PIK3C2G: variants seen among roughly 807,000 people sequenced by gnomAD.
PIK3C2G encodes phosphatidylinositol 3-kinase C2 domain-containing subunit gamma.
Under a neutral mutation model 181.1 loss-of-function variants are expected in PIK3C2G, and 168 were observed. That is an observed-to-expected ratio of 0.93 (90% CI 0.82 to 1.05). The LOEUF (loss-of-function observed/expected upper bound fraction) is 1.05. Ranked by LOEUF, PIK3C2G falls within the 50% of genes least tolerant of loss-of-function variation. The probability of loss-of-function intolerance (pLI) is 0.00; values close to 1 mark genes in which losing one functional copy is unlikely to be tolerated. For synonymous variants in PIK3C2G, 573 were observed against 592.2 expected, an observed-to-expected ratio of 0.97 and a Z score of 0.47; for missense variants, 1,869 against 1,732.8, an observed-to-expected ratio of 1.08 and a Z score of -1.40.
intron 1 of PIK3C2G, among the ~76,000 whole-genome samples, chr12:18,273,444 T>G (rs1423531872): frequency 6.6e-6 from 1 of 152,156 alleles, no homozygotes; most frequent in African/African-American, 2.4e-5. Context: ...TAGGATTGAC[T>G]TGGCAATGCG....
At chr12:18,520,648 T>C (rs568361072) in intron 24 of PIK3C2G, among the ~76,000 whole-genome samples, 3 of 152,284 alleles carry the variant, frequency 2.0e-5, no homozygotes, top group South Asian at 2.1e-4. Flanking sequence ...CTTCTTTGCA[T>C]TGGGTTAGAA....
chr12:18,593,756 T>A (rs1355489196), intron 29 of PIK3C2G, among the ~76,000 whole-genome samples: 5 of 151,900 alleles, frequency 3.3e-5, no homozygotes, highest in African/African-American at 1.2e-4. Flanking sequence ...TTTGTGATTA[T>A]CACTATTTAA....
Position 18,648,232 on chromosome 12 carries a change from G to C in PIK3C2G, c.*204G>C. The C allele has an allele frequency of 6.3e-6, 2 of 317,948 alleles. No individual in the cohort carries two copies. Among genetic ancestry groups the C allele is most frequent in the Non-Finnish European group, 1.1e-5 (2 of 174,696 alleles). 19.7% of individuals were successfully genotyped at this position (317,948 alleles called of 1,614,324 possible). A position where few individuals can be genotyped will look rare whatever the true frequency, so the allele number is the denominator to read the frequency against. On this transcript the variant is annotated 3_prime_UTR_variant, in exon 33 of 33. Transcript: ENST00000538779. ...TTTTTTCATAATCTTTTCTCCTTCA[G>C]TGGAGTACTGATTGCATGAAATTTG...
the PIK3C2G span, among the ~76,000 whole-genome samples, chr12:18,710,309 C>T: frequency 2.7e-5 from 4 of 150,714 alleles, no homozygotes; most frequent in Admixed American, 1.3e-4. Flanking sequence ...GGGAGTTAGC[C>T]ATGCAAATAT....
At chr12:18,708,164 T>C in the PIK3C2G span, among the ~76,000 whole-genome samples, 1 of 152,312 alleles carries the variant, frequency 6.6e-6, no homozygotes, top group South Asian at 2.1e-4. Flanking sequence ...CCTTTCTCCA[T>C]TTTCTTCTCC....
chr12:18,525,829 TAAA>T (rs1400624681), intron 24 of PIK3C2G, among the ~76,000 whole-genome samples: 3 of 152,102 alleles, frequency 2.0e-5, no homozygotes, highest in Non-Finnish European at 2.9e-5. Flanking sequence ...CTCAGCAAAA[TAAA>T]AATCAACCTC....
Position 18,282,067 on chromosome 12 carries a change from T to A in PIK3C2G, c.-15T>A. ...TTGGAGCAGAGTCAACCCTCTCAGT[T>A]ACATAAAATAAAAAATGGCATATTC... is the stretch of plus-strand genomic sequence containing the variant. On this transcript the variant is annotated 5_prime_UTR_variant, in exon 2 of 33. Coordinates refer to ENST00000538779, the MANE Select transcript of PIK3C2G (RefSeq NM_001288772.2). 6.6e-7 allele frequency: 1 copy of A among 1,512,726 alleles called. No homozygotes were observed. The highest frequency in any genetic ancestry group is 9.0e-7 in the Non-Finnish European group (1 of 1,106,852). The allele number at this position is 1,512,726 out of a possible 1,614,324, so 93.7% of individuals were successfully genotyped here. A position where few individuals can be genotyped will look rare whatever the true frequency, so the allele number is the denominator to read the frequency against.
chr12:18,342,921 G>T (rs539618186), intron 9 of PIK3C2G, among the ~76,000 whole-genome samples: 8 of 152,026 alleles, frequency 5.3e-5, no homozygotes, highest in Admixed American at 2.6e-4. Flanking sequence ...TACTGATTTT[G>T]TCCACTTCAA....
chr12:18,354,050 C>A (rs1459530663), intron 11 of PIK3C2G, among the ~76,000 whole-genome samples: 3 of 152,216 alleles, frequency 2.0e-5, no homozygotes, highest in Non-Finnish European at 4.4e-5. Flanking sequence ...ATACAAAGCT[C>A]ATAACCAAAT....
intron 18 of PIK3C2G, among the ~76,000 whole-genome samples, chr12:18,440,714 G>T (rs977335212): frequency 5.9e-5 from 9 of 152,004 alleles, no homozygotes; most frequent in African/African-American, 2.2e-4. Context: ...AGGTTACAGG[G>T]GGAAAGAGTA....
chr12:18,249,111 T>C (rs1948070960), intron 1 of PIK3C2G, among the ~76,000 whole-genome samples: 1 of 152,214 alleles, frequency 6.6e-6, no homozygotes, highest in African/African-American at 2.4e-5. Context: ...CTTTTTGGAC[T>C]GTACGCTGTG....
rs141129754 is a variant in PIK3C2G, at chr12:18,527,795, T to C, written c.3324-10361T>C. The stretch of plus-strand genomic sequence containing the variant: ...ATACTTAGGAAAGGAGACTTGATAA[T>C]TTTGAAGAAATAGTTGTTTTAATCA... On this transcript the variant is annotated intron_variant, in intron 24 of 32. Coordinates refer to ENST00000538779, the MANE Select transcript of PIK3C2G (RefSeq NM_001288772.2). 1.0e-3 allele frequency among the ~76,000 whole-genome samples: 152 copies of C among 152,252 alleles called. No individual in the cohort carries two copies. The East Asian group carries it at 0.025, about 25-fold the overall frequency.
chr12:18,404,740 T>C (rs1440556399), intron 16 of PIK3C2G, among the ~76,000 whole-genome samples: 1 of 152,094 alleles, frequency 6.6e-6, no homozygotes, highest in Non-Finnish European at 1.5e-5. Context: ...TTAGATTGTT[T>C]TGGGCCTGCT....
intron 16 of PIK3C2G, among the ~76,000 whole-genome samples, chr12:18,409,631 A>C (rs1363320796): frequency 1.3e-5 from 2 of 152,166 alleles, no homozygotes; most frequent in African/African-American, 4.8e-5. Flanking sequence ...TCATCCTCGG[A>C]AGGTGGCAGC....
rs762017695 is a variant in PIK3C2G at position 18,488,548 on chromosome 12, GT to G, written c.2608del (p.Ser870ProfsTer29). 1 of 1,592,014 alleles carries G rather than the reference GT, an allele frequency of 6.3e-7. No homozygotes were observed. The highest frequency in any genetic ancestry group is 8.6e-7 in the Non-Finnish European group (1 of 1,168,708). ...GTGCAGGTAAAGCCTTGAATGATGA[GT>G]TTTCCAAGGAGCAGAAACTTATCAA... Reference protein sequence around the residue: ...FCAGKALNDEFSKEQKLIKIL... With the variant: ...FCAGKALNDEXSKEQKLIKIL... On this transcript the variant is annotated frameshift_variant, in exon 19 of 33. Transcript: ENST00000538779. LOFTEE classifies it high-confidence loss of function.
At chr12:18,460,104 T>G (rs995251233) in intron 18 of PIK3C2G, among the ~76,000 whole-genome samples, 2 of 152,138 alleles carry the variant, frequency 1.3e-5, no homozygotes, top group African/African-American at 4.8e-5. Context: ...ATGTTATACT[T>G]ATTAAGGCAG....
At chr12:18,308,368 A>G (rs1202120806) in intron 5 of PIK3C2G, among the ~76,000 whole-genome samples, 2 of 151,836 alleles carry the variant, frequency 1.3e-5, no homozygotes, top group African/African-American at 4.8e-5. Context: ...TCTCAGAAAT[A>G]AAAACATTTT....
At chr12:18,488,363 T>C (rs539142954) in intron 18 of PIK3C2G, 86 bp from the exon 19 acceptor site, 2 of 838,902 alleles carry the variant, frequency 2.4e-6, no homozygotes, top group Non-Finnish European at 3.4e-6. Context: ...TACAGATTAG[T>C]TTGAAATGCA....
At chr12:18,621,222 A>G (rs1187994861) in intron 31 of PIK3C2G, among the ~76,000 whole-genome samples, 1 of 151,912 alleles carries the variant, frequency 6.6e-6, no homozygotes, top group Admixed American at 6.6e-5. Context: ...CAAAAAACAG[A>G]AAAGAAAAAC....
Sources: allele counts gnomAD v4.1 joint callset (sites outside exome capture counted in the v4.1 genomes callset), GRCh38; gene constraint gnomAD v4.1.1; transcripts MANE v1.5; gene names NCBI Gene and HGNC (gene_info 2026-07-23, HGNC 2026-07-21).